Variants in SLIT3 observed in about 807,000 individuals in gnomAD.
The protein encoded by SLIT3 is slit homolog 3 protein.
Under a neutral mutation model 184.0 loss-of-function variants are expected in SLIT3, and 68 were observed. The ratio of observed to expected loss-of-function variants is 0.37; its 90% CI spans 0.30 to 0.45. The LOEUF is 0.45. SLIT3 is among the 20% of genes least tolerant of loss of function. The probability of loss-of-function intolerance (pLI) is 1.00; values close to 1 mark genes in which losing one functional copy is unlikely to be tolerated. For missense variants in SLIT3, 1,707 were observed against 2,026.0 expected (o/e 0.84, Z 3.02); for synonymous variants, 831 against 828.6 (o/e 1.00, Z -0.05).
At chr5:169,005,365 A>C (rs1755879348) in intron 4 of SLIT3, among the ~76,000 whole-genome samples, 2 of 152,310 alleles carry the variant, frequency 1.3e-5, no homozygotes, top group Middle Eastern at 6.8e-3. Flanking sequence ...AGAGAATCTA[A>C]CGTCCGCATT....
chr5:168,744,021 G>A (rs546962843), intron 20 of SLIT3, among the ~76,000 whole-genome samples: 4 of 152,300 alleles, frequency 2.6e-5, no homozygotes, highest in East Asian at 1.9e-4. Context: ...TGGGCGCAGC[G>A]GCTCACACAT....
chr5:168,766,604 T>C (rs1292638239), intron 14 of SLIT3, among the ~76,000 whole-genome samples: 3 of 152,238 alleles, frequency 2.0e-5, no homozygotes, highest in African/African-American at 7.2e-5. Context: ...GGTCTGAGGC[T>C]GGCACTGCCT....
intron 24 of SLIT3, 49 bp downstream of exon 24, chr5:168,712,234 C>T (rs1864952): frequency 0.048 from 72,764 of 1,526,826 alleles, 2,439 homozygotes; most frequent in African/African-American, 0.17. Context: ...CTGACACTTT[C>T]ATGCTTTCAT....
chr5:169,043,759 C>T (rs145607169), intron 4 of SLIT3, among the ~76,000 whole-genome samples: 246 of 152,328 alleles, frequency 1.6e-3, no homozygotes, highest in Non-Finnish European at 2.5e-3. Context: ...ATTCCCCACT[C>T]CAGTTGTCTG....
Position 169,105,090 on chromosome 5 carries a change from A to T in SLIT3, c.413+88389T>A, listed in dbSNP as rs531349924. Among the ~76,000 whole-genome samples the T allele has an allele frequency of 2.0e-5, 3 of 152,280 alleles. No individual in the cohort carries two copies. The South Asian group carries it at 6.2e-4, about 32-fold the overall frequency. On this transcript the variant is annotated intron_variant, in intron 4 of 35. Coordinates refer to ENST00000519560, the MANE Select transcript of SLIT3 (RefSeq NM_003062.4). ...TTCCATTTCCCTTTGTTTGCCTGTG[A>T]TTTGTGGGCTCTGTGAACGGCAGGT...
At chr5:169,280,385 A>C (rs982673259) in intron 1 of SLIT3, among the ~76,000 whole-genome samples, 1 of 151,716 alleles carries the variant, frequency 6.6e-6, no homozygotes, top group Non-Finnish European at 1.5e-5. Flanking sequence ...TCCTCAGTAC[A>C]TTTCCTAATT....
intron 12 of SLIT3, among the ~76,000 whole-genome samples, chr5:168,781,250 CAG>C: frequency 6.6e-6 from 1 of 152,278 alleles, no homozygotes; most frequent in East Asian, 1.9e-4. Context: ...TCCTAGAGAC[CAG>C]AGAGGGAGAA....
intron 20 of SLIT3, among the ~76,000 whole-genome samples, chr5:168,738,811 G>T (rs1049147350): frequency 3.3e-5 from 5 of 151,898 alleles, no homozygotes; most frequent in African/African-American, 9.7e-5. Flanking sequence ...GGTGGCGGGC[G>T]CCTGTAGTCC....
At chr5:168,748,543 C>T (rs41283175) in intron 19 of SLIT3, 109 bp from the exon 20 acceptor site, 4 of 1,132,468 alleles carry the variant, frequency 3.5e-6, no homozygotes, top group Admixed American at 3.7e-5. Flanking sequence ...CCCCTGTCCC[C>T]GCTGTGTTCT....
chr5:169,062,489 T>C (rs1441439664), intron 4 of SLIT3, among the ~76,000 whole-genome samples: 1 of 152,200 alleles, frequency 6.6e-6, no homozygotes, highest in Non-Finnish European at 1.5e-5. Context: ...TCTGCCTTCT[T>C]CTCTGATTTT....
chr5:169,047,378 A>C lies in SLIT3; in HGVS notation c.413+146101T>G, dbSNP rs1003910873. On this transcript the variant is annotated intron_variant, in intron 4 of 35. Coordinates refer to ENST00000519560, the MANE Select transcript of SLIT3 (RefSeq NM_003062.4). ...ATTTTACAGCTGAAATGCCTTTTGA[A>C]TCTAACCATTCATCCCATCTCTGCT... Among the ~76,000 whole-genome samples, 3 of 152,120 alleles carry C rather than the reference A, an allele frequency of 2.0e-5. No individual in the cohort carries two copies. The South Asian group carries it at 6.2e-4, about 32-fold the overall frequency.
At chr5:169,278,629 G>C (rs975688360) in intron 1 of SLIT3, among the ~76,000 whole-genome samples, 1 of 152,262 alleles carries the variant, frequency 6.6e-6, no homozygotes, top group Admixed American at 6.5e-5. Context: ...TACTTCCTCT[G>C]ACCCCCCAAG....
chr5:168,959,437 A>G (rs915725949), intron 4 of SLIT3, among the ~76,000 whole-genome samples: 2 of 152,244 alleles, frequency 1.3e-5, no homozygotes, highest in Non-Finnish European at 2.9e-5. Context: ...ATAAGAAAAT[A>G]TCCCACACGT....
At chr5:168,934,057 C>T (rs1306297672) in intron 4 of SLIT3, among the ~76,000 whole-genome samples, 1 of 152,166 alleles carries the variant, frequency 6.6e-6, no homozygotes, top group African/African-American at 2.4e-5. Context: ...GGAGTTGTGG[C>T]AAATACACAA....
intron 1 of SLIT3, among the ~76,000 whole-genome samples, chr5:169,287,057 A>C (rs1196780853): frequency 2.6e-5 from 4 of 152,234 alleles, no homozygotes; most frequent in Non-Finnish European, 4.4e-5. Flanking sequence ...TTCAGAAAGT[A>C]CTAAAATGTA....
chr5:168,810,480 T>A (rs996202406), intron 8 of SLIT3, among the ~76,000 whole-genome samples: 1 of 152,222 alleles, frequency 6.6e-6, no homozygotes, highest in African/African-American at 2.4e-5. Flanking sequence ...TCTTCATTTT[T>A]AAATAAGTGT....
intron 3 of SLIT3, among the ~76,000 whole-genome samples, chr5:169,241,141 G>A (rs1390737290): frequency 1.3e-5 from 2 of 152,060 alleles, no homozygotes; most frequent in Non-Finnish European, 2.9e-5. Flanking sequence ...CTTACAAAGT[G>A]TGTTTGTTTC....
At position 168,857,339 on chromosome 5, in the gene SLIT3, T is replaced by C. The variant is rs1457304446; in HGVS notation, c.486-12684A>G. ...GGGTAGGGGATAAGAAAGAGTGATTTTCTTTTTCTCATTTGCCAGCAGTAG... is the reference window on the plus strand; with the variant it reads ...GGGTAGGGGATAAGAAAGAGTGATTCTCTTTTTCTCATTTGCCAGCAGTAG... On this transcript the variant is annotated intron_variant, in intron 5 of 35. Transcript: ENST00000519560. Among the ~76,000 whole-genome samples the C allele has an allele frequency of 3.3e-5, 5 of 152,304 alleles. No homozygotes were observed. In the South Asian group the frequency reaches 8.3e-4, roughly 25 times the overall value.
chr5:169,179,035 G>C (rs558056887), intron 4 of SLIT3, among the ~76,000 whole-genome samples: 1 of 152,278 alleles, frequency 6.6e-6, no homozygotes, highest in East Asian at 1.9e-4. Context: ...CAGTAGGTTG[G>C]TGGTACAGCT....
Sources: allele counts gnomAD v4.1 joint callset (sites outside exome capture counted in the v4.1 genomes callset), GRCh38; gene constraint gnomAD v4.1.1; transcripts MANE v1.5; gene names NCBI Gene and HGNC (gene_info 2026-07-23, HGNC 2026-07-21).